LTBP1: variants seen among roughly 807,000 people sequenced by gnomAD.
LTBP1 encodes latent-transforming growth factor beta-binding protein 1.
In LTBP1, 129 loss-of-function variants were observed where a neutral mutation model predicts 207.6. That is an observed-to-expected ratio of 0.62 (90% CI 0.54 to 0.72). The LOEUF is 0.72. Among genes scored for constraint, LTBP1 ranks in the 30% least tolerant of loss-of-function variants. The pLI is 0.00. For synonymous variants in LTBP1, 963 were observed against 833.7 expected, an observed-to-expected ratio of 1.16 and a Z score of -2.67; for missense variants, 2,281 against 2,217.2, an observed-to-expected ratio of 1.03 and a Z score of -0.58.
chr2:33,004,814 T>TATATATATATATATATATATAA (rs1178147190), intron 2 of LTBP1, among the ~76,000 whole-genome samples: 54 of 136,536 alleles, frequency 4.0e-4, no homozygotes, highest in Non-Finnish European at 4.1e-4. Context: ...TATATATATA[T>TATATATATATATATATATATAA]AAACATAAAA....
At chr2:33,345,124 C>A (rs1291194881) in intron 25 of LTBP1, among the ~76,000 whole-genome samples, 1 of 152,218 alleles carries the variant, frequency 6.6e-6, no homozygotes, top group Admixed American at 6.5e-5. Flanking sequence ...TTCTGTAGAG[C>A]TACAGGGATG....
intron 2 of LTBP1, among the ~76,000 whole-genome samples, chr2:32,965,021 A>G (rs954379713): frequency 6.6e-6 from 1 of 152,180 alleles, no homozygotes; most frequent in African/African-American, 2.4e-5. Flanking sequence ...GCCTGGCGAC[A>G]GAGCAAGACT....
chr2:33,313,948 G>A (rs2094224477), intron 23 of LTBP1, among the ~76,000 whole-genome samples: 1 of 152,164 alleles, frequency 6.6e-6, no homozygotes, highest in African/African-American at 2.4e-5. Flanking sequence ...GCTTTATGTT[G>A]TCATCTTGGG....
intron 3 of LTBP1, among the ~76,000 whole-genome samples, chr2:33,082,660 C>T (rs553677998): frequency 4.1e-4 from 63 of 152,118 alleles, no homozygotes; most frequent in Non-Finnish European, 1.5e-4. Flanking sequence ...CTCCTGACCT[C>T]GTGATCCGCC....
intron 3 of LTBP1, among the ~76,000 whole-genome samples, chr2:33,105,476 G>T (rs2080013242): frequency 1.4e-5 from 2 of 147,144 alleles, no homozygotes; most frequent in East Asian, 2.0e-4. Context: ...TCACTCTGTT[G>T]CCCAGGCTGG....
Position 33,188,600 on chromosome 2 carries a change from A to C in LTBP1, c.1450A>C (p.Asn484His). 4 of 1,613,550 alleles carry C rather than the reference A, an allele frequency of 2.5e-6. No homozygotes were observed. Among genetic ancestry groups the C allele is most frequent in the Non-Finnish European group, 3.4e-6 (4 of 1,179,944 alleles). Residue 484 changes from asparagine to histidine, a missense_variant, in exon 7 of 34, where the codon AAT becomes CAT. Asn to His is a moderately conservative substitution (Grantham distance 68). Around this residue, in one of 3 missense-constraint regions of LTBP1, gnomAD observed 1,671 missense variants for 1,634.8 expected, o/e 1.02. Coordinates refer to ENST00000404816, the MANE Select transcript of LTBP1 (RefSeq NM_206943.4). ...VKVKFPPNIV[N>H]IHVKHPPEAS... is the part of the protein sequence containing the mutation. ...AGTGAAATTTCCTCCTAACATAGTC[A>C]ATATCCATGTGAAACATCCTCCTGA...
At chr2:33,257,616 T>G (rs1187533913) in intron 12 of LTBP1, 105 bp downstream of exon 12, 5 of 921,356 alleles carry the variant, frequency 5.4e-6, no homozygotes, top group Non-Finnish European at 6.6e-6. Flanking sequence ...GCCTAAGCAC[T>G]ATTGGCATTT....
At chr2:33,254,930 A>AT (rs200170010) in intron 11 of LTBP1, among the ~76,000 whole-genome samples, 83 of 101,676 alleles carry the variant, frequency 8.2e-4, no homozygotes, top group Non-Finnish European at 1.0e-3. Flanking sequence ...TGTTTCCTGC[A>AT]TTTTTTTTTA....
intron 3 of LTBP1, among the ~76,000 whole-genome samples, chr2:33,068,760 A>G (rs1057163626): frequency 2.0e-5 from 3 of 152,226 alleles, no homozygotes; most frequent in Non-Finnish European, 4.4e-5. Context: ...GGAGGCTTAT[A>G]TACAAATAAT....
intron 3 of LTBP1, among the ~76,000 whole-genome samples, chr2:33,043,127 T>C (rs2076272241): frequency 6.6e-6 from 1 of 152,154 alleles, no homozygotes; most frequent in Admixed American, 6.5e-5. Flanking sequence ...ATTGGCAAAT[T>C]CACTACAGTG....
intron 4 of LTBP1, among the ~76,000 whole-genome samples, chr2:33,112,862 G>T (rs181248711): frequency 5.2e-4 from 79 of 152,328 alleles, no homozygotes; most frequent in African/African-American, 1.9e-3. Context: ...GGAAGGAACA[G>T]TTAGTCAGAG....
At chr2:33,228,189 A>G (rs1327737040) in intron 9 of LTBP1, among the ~76,000 whole-genome samples, 1 of 152,206 alleles carries the variant, frequency 6.6e-6, no homozygotes, top group Non-Finnish European at 1.5e-5. Context: ...GTGATTCATG[A>G]TAAACTATGT....
intron 8 of LTBP1, among the ~76,000 whole-genome samples, chr2:33,221,406 C>T (rs750539372): frequency 1.3e-5 from 2 of 152,216 alleles, no homozygotes; most frequent in African/African-American, 2.4e-5. Context: ...GCCAGGTGCT[C>T]TCTCAAGTCT....
At position 33,116,690 on chromosome 2, in the gene LTBP1, T is replaced by TA. The variant is rs992351478; in HGVS notation, c.1033+5946dup. On this transcript the variant is annotated intron_variant, in intron 4 of 33. Transcript: ENST00000404816. Reference sequence around the variant, plus strand: ...TTTAAACAGATATAACTCAGGCTCTTAAAAAAATTGTCTAGTTGTCATCTG... The same window carrying TA: ...TTTAAACAGATATAACTCAGGCTCTTAAAAAAAATTGTCTAGTTGTCATCTG... Among the ~76,000 whole-genome samples the TA allele has an allele frequency of 4.7e-5, 7 of 148,024 alleles. No homozygotes were observed. In the East Asian group the frequency reaches 1.2e-3, roughly 25 times the overall value.
intron 3 of LTBP1, chr2:33,056,605 T>C (rs749209682): frequency 2.0e-5 from 6 of 301,988 alleles, no homozygotes; most frequent in Non-Finnish European, 3.2e-5. Context: ...GTTATAGTTC[T>C]TAAAGGTGGC....
At chr2:33,053,536 A>G (rs1260549465) in intron 3 of LTBP1, among the ~76,000 whole-genome samples, 1 of 152,052 alleles carries the variant, frequency 6.6e-6, no homozygotes, top group African/African-American at 2.4e-5. Context: ...CTCGGCGCCC[A>G]GTCTACTAGA....
intron 10 of LTBP1, among the ~76,000 whole-genome samples, chr2:33,249,503 G>A (rs556432148): frequency 1.1e-4 from 17 of 152,198 alleles, no homozygotes; most frequent in Admixed American, 6.5e-4. Flanking sequence ...TGAGGAACCC[G>A]AATAATAGTA....
intron 26 of LTBP1, among the ~76,000 whole-genome samples, chr2:33,356,591 A>C (rs967559570): frequency 5.3e-5 from 8 of 152,232 alleles, no homozygotes; most frequent in African/African-American, 1.9e-4. Context: ...AGGCAGGAGA[A>C]TGGTGTGAAC....
chr2:33,364,479 A>C (rs924205003), intron 30 of LTBP1, 123 bp downstream of exon 30: 10 of 824,412 alleles, frequency 1.2e-5, no homozygotes, highest in African/African-American at 1.7e-5. Flanking sequence ...AATAACTAAA[A>C]TGAGATACAA....
Sources: allele counts gnomAD v4.1 joint callset (sites outside exome capture counted in the v4.1 genomes callset), GRCh38; gene constraint gnomAD v4.1.1; regional missense constraint gnomAD v4.1.1; transcripts MANE v1.5; gene names NCBI Gene and HGNC (gene_info 2026-07-23, HGNC 2026-07-21).